Variants in RAB3GAP2 observed in about 807,000 individuals in gnomAD.
RAB3GAP2 encodes rab3 GTPase-activating protein non-catalytic subunit.
A neutral mutation model predicts 185.3 loss-of-function variants in RAB3GAP2; 87 were observed. That is an observed-to-expected ratio of 0.47 (90% confidence interval 0.39 to 0.56). The LOEUF (loss-of-function observed/expected upper bound fraction) is 0.56, where lower values mean the gene tolerates loss of function less well. Among genes scored for constraint, RAB3GAP2 ranks in the 20% least tolerant of loss-of-function variants. RAB3GAP2 has a pLI of 0.00. For missense variants in RAB3GAP2, 1,492 were observed against 1,638.2 expected, an observed-to-expected ratio of 0.91 and a Z score of 1.54; for synonymous variants, 554 against 576.1, an observed-to-expected ratio of 0.96 and a Z score of 0.55.
chr1:220,198,508 G>A (rs1658772174), intron 9 of RAB3GAP2, among the ~76,000 whole-genome samples: 1 of 152,050 alleles, frequency 6.6e-6, no homozygotes, highest in Admixed American at 6.6e-5. Flanking sequence ...AATTTAGGGG[G>A]CTTTTATCTT....
At chr1:220,185,353 C>A (rs530599090) in intron 18 of RAB3GAP2, among the ~76,000 whole-genome samples, 1 of 152,260 alleles carries the variant, frequency 6.6e-6, no homozygotes, top group Admixed American at 6.5e-5. Flanking sequence ...GAAACTGATA[C>A]ACTGATAGAA....
intron 1 of RAB3GAP2, among the ~76,000 whole-genome samples, chr1:220,264,165 C>T (rs1480227691): frequency 6.6e-6 from 1 of 151,812 alleles, no homozygotes; most frequent in African/African-American, 2.4e-5. Context: ...ATTATCAGTA[C>T]AAAACTCTCT....
At chr1:220,162,070 G>A in intron 28 of RAB3GAP2, 128 bp downstream of exon 28, 1 of 742,776 alleles carries the variant, frequency 1.3e-6, no homozygotes, top group South Asian at 1.6e-5. Context: ...ACATTTAACT[G>A]AGTATGAGTA....
At chr1:220,179,914 A>G (rs1284137856) in intron 21 of RAB3GAP2, among the ~76,000 whole-genome samples, 5 of 152,238 alleles carry the variant, frequency 3.3e-5, no homozygotes, top group Non-Finnish European at 5.9e-5. Context: ...CTGTAATCCC[A>G]GCACTTTGGG....
At position 220,150,492 on chromosome 1, in the gene RAB3GAP2, T is replaced by TA. The variant is rs953970243; in HGVS notation, c.*758dup. 1.4e-5 allele frequency: 2 copies of TA among 144,512 alleles called. No individual in the cohort carries two copies. Among genetic ancestry groups the TA allele is most frequent in the African/African-American group, 5.1e-5 (2 of 38,942 alleles). The allele number at this position is 144,512 out of a possible 1,614,324, so 9.0% of individuals were successfully genotyped here. The stretch of plus-strand genomic sequence containing the variant: ...TTTTTACATAAGTTTTACAAGATAA[T>TA]ACATTTTTACAGTGACCTGATGTGG... On this transcript the variant is annotated 3_prime_UTR_variant, in exon 35 of 35. Transcript: ENST00000358951.
intron 1 of RAB3GAP2, chr1:220,267,255 T>A: frequency 1.1e-6 from 1 of 913,356 alleles, no homozygotes; most frequent in Non-Finnish European, 1.8e-6. Context: ...GTTTCTGAAG[T>A]TCTGTATTGA....
Position 220,190,143 on chromosome 1 carries a change from A to G in RAB3GAP2, c.1635T>C (p.Asp545=), listed in dbSNP as rs1234114221. 6.2e-7 allele frequency: 1 copy of G among 1,610,388 alleles called. No homozygotes were observed. The highest frequency in any genetic ancestry group is 8.5e-7 in the Non-Finnish European group (1 of 1,176,818). Residue 545 remains aspartate (D), a synonymous_variant, in exon 16 of 35, where the codon GAT becomes GAC. Transcript: ENST00000358951. The stretch of plus-strand genomic sequence containing the variant: ...TATCCTTGGCTCGTTCACTCTTCTT[A>G]TCACTAAACCAATAAATATAACAAA... ...VNVPFHLALS[D]KKSERAKDMH... is the part of the protein sequence containing the mutation.
At chr1:220,246,655 T>C (rs1174459864) in intron 1 of RAB3GAP2, among the ~76,000 whole-genome samples, 2 of 121,240 alleles carry the variant, frequency 1.6e-5, no homozygotes, top group East Asian at 2.4e-4. Context: ...TCATTCTCAG[T>C]AAACTATCGC....
Position 220,221,076 on chromosome 1 carries a change from C to G in RAB3GAP2, c.181-7097G>C, listed in dbSNP as rs916121910. Among the ~76,000 whole-genome samples the G allele has an allele frequency of 6.6e-5, 10 of 152,304 alleles. No individual in the cohort carries two copies. The South Asian group carries it at 2.1e-3, about 32-fold the overall frequency. On this transcript the variant is annotated intron_variant, in intron 2 of 34. Transcript: ENST00000358951. ...TTCAGTTATTATACCACAACCGCTT[C>G]TCACAGACATATTAGTGCATCTGAG... is the stretch of plus-strand genomic sequence containing the variant.
At chr1:220,177,632 GA>G (rs1283747247) in intron 21 of RAB3GAP2, among the ~76,000 whole-genome samples, 4 of 152,084 alleles carry the variant, frequency 2.6e-5, no homozygotes, top group Non-Finnish European at 5.9e-5. Flanking sequence ...AAATCAAATA[GA>G]AACCTCGGAG....
chr1:220,161,707 A>C (rs928664690), intron 28 of RAB3GAP2, among the ~76,000 whole-genome samples: 8 of 152,246 alleles, frequency 5.3e-5, no homozygotes, highest in African/African-American at 1.9e-4. Flanking sequence ...TGGATTAGAT[A>C]CAGAGGGAAC....
chr1:220,185,549 TTAAAG>T, intron 18 of RAB3GAP2, 97 bp downstream of exon 18: 1 of 809,764 alleles, frequency 1.2e-6, no homozygotes, highest in South Asian at 1.5e-5. Flanking sequence ...TACTTCCACA[TTAAAG>T]TAACATGATG....
At position 220,255,934 on chromosome 1, in the gene RAB3GAP2, C is replaced by T. The variant is rs139971976; in HGVS notation, c.115+16289G>A. On this transcript the variant is annotated intron_variant, in intron 1 of 34. Coordinates refer to ENST00000358951, the MANE Select transcript of RAB3GAP2 (RefSeq NM_012414.4). ...CAAACTCAGGAAATGCAAAGAGCCTCAGGAAGATACTCCTCAAGAAGATCA... is the reference window on the plus strand; with the variant it reads ...CAAACTCAGGAAATGCAAAGAGCCTTAGGAAGATACTCCTCAAGAAGATCA... Among the ~76,000 whole-genome samples, 201 of 152,248 alleles carry T rather than the reference C, an allele frequency of 1.3e-3. 1 individual carries two copies. The highest frequency in any genetic ancestry group is 2.1e-3 in the Non-Finnish European group (145 of 68,008).
intron 7 of RAB3GAP2, among the ~76,000 whole-genome samples, chr1:220,206,816 C>A (rs1298294551): frequency 6.6e-6 from 1 of 152,194 alleles, no homozygotes; most frequent in African/African-American, 2.4e-5. Flanking sequence ...TTGTTCCTGT[C>A]ATTCAGGTTT....
At chr1:220,236,448 T>C (rs1339049638) in intron 1 of RAB3GAP2, among the ~76,000 whole-genome samples, 6 of 152,156 alleles carry the variant, frequency 3.9e-5, no homozygotes, top group Non-Finnish European at 7.4e-5. Flanking sequence ...AGTGCTGGGA[T>C]TATAGGCATG....
intron 9 of RAB3GAP2, among the ~76,000 whole-genome samples, chr1:220,198,957 G>A (rs1254145325): frequency 2.0e-5 from 3 of 152,186 alleles, no homozygotes; most frequent in African/African-American, 4.8e-5. Flanking sequence ...ACTAGCTAAA[G>A]TTTTCCAGGC....
At chr1:220,267,376 T>C in intron 1 of RAB3GAP2, 1 of 1,233,334 alleles carries the variant, frequency 8.1e-7, no homozygotes, top group Non-Finnish European at 1.2e-6. Context: ...TATTTCTACT[T>C]CTCTTCTGAG....
intron 2 of RAB3GAP2, among the ~76,000 whole-genome samples, chr1:220,217,523 T>C (rs966202307): frequency 1.3e-5 from 2 of 152,112 alleles, no homozygotes; most frequent in Non-Finnish European, 2.9e-5. Context: ...TTAAAAGTCT[T>C]ACTACTCCCT....
intron 24 of RAB3GAP2, among the ~76,000 whole-genome samples, chr1:220,169,505 G>T (rs1348600596): frequency 6.6e-6 from 1 of 152,184 alleles, no homozygotes; most frequent in Non-Finnish European, 1.5e-5. Context: ...TGAAAGATAA[G>T]TAAGATTTCG....
Sources: gnomAD v4.1 joint callset for allele counts (sites outside exome capture counted in the v4.1 genomes callset) on GRCh38, gnomAD v4.1.1 for gene constraint, MANE v1.5 for transcripts, NCBI Gene and HGNC (gene_info 2026-07-23, HGNC 2026-07-21) for gene names.